Variants in TMEM117 observed in about 807,000 individuals in gnomAD.
TMEM117 encodes the protein transmembrane protein 117.
In TMEM117, 27 loss-of-function variants were observed where a neutral mutation model predicts 52.4. The observed-to-expected ratio is 0.51, with a 90% CI of 0.38 to 0.71. The LOEUF is 0.71. Ranked by LOEUF, TMEM117 falls within the 30% of genes least tolerant of loss-of-function variation. The probability of loss-of-function intolerance (pLI) is 0.00; values close to 1 mark genes in which losing one functional copy is unlikely to be tolerated. For synonymous variants in TMEM117, 215 were observed against 206.3 expected, an observed-to-expected ratio of 1.04 and a Z score of -0.36; for missense variants, 556 against 630.5, an observed-to-expected ratio of 0.88 and a Z score of 1.26.
At chr12:43,987,535 A>G (rs1021618598) in intron 3 of TMEM117, among the ~76,000 whole-genome samples, 14 of 149,872 alleles carry the variant, frequency 9.3e-5, no homozygotes, top group Non-Finnish European at 1.9e-4. Flanking sequence ...TAACCTCTCA[A>G]TGAAGCTTTT....
At chr12:44,227,743 T>C (rs1379962164) in intron 5 of TMEM117, among the ~76,000 whole-genome samples, 1 of 152,162 alleles carries the variant, frequency 6.6e-6, no homozygotes, top group Non-Finnish European at 1.5e-5. Context: ...GCTCCTCCAA[T>C]AGACTCAGCA....
At chr12:44,182,362 A>AT (rs1252063284) in intron 4 of TMEM117, among the ~76,000 whole-genome samples, 1 of 152,110 alleles carries the variant, frequency 6.6e-6, no homozygotes, top group Non-Finnish European at 1.5e-5. Flanking sequence ...CTCCTGCCTA[A>AT]TTGCCCTGGC....
intron 3 of TMEM117, among the ~76,000 whole-genome samples, chr12:43,979,812 T>C (rs1340345949): frequency 6.6e-6 from 1 of 152,170 alleles, no homozygotes; most frequent in Admixed American, 6.5e-5. Context: ...GTAATTTCTC[T>C]CCCTTTAAAG....
upstream of TMEM117, among the ~76,000 whole-genome samples, chr12:43,831,546 ATT>A (rs11449366): frequency 1.6e-4 from 22 of 137,488 alleles, no homozygotes; most frequent in Admixed American, 2.2e-4. Flanking sequence ...GTTACTTCTG[ATT>A]TTTTTTTTTT....
chr12:44,319,919 G>A (rs908036105), intron 6 of TMEM117, among the ~76,000 whole-genome samples: 1 of 151,944 alleles, frequency 6.6e-6, no homozygotes, highest in African/African-American at 2.4e-5. Context: ...ATTCTGCCCT[G>A]TGTTTCCTTA....
chr12:44,072,325 A>G (rs1947314778), intron 3 of TMEM117, among the ~76,000 whole-genome samples: 1 of 152,160 alleles, frequency 6.6e-6, no homozygotes. Flanking sequence ...ACCAGAAGAG[A>G]TTCTCAGAGG....
intron 4 of TMEM117, among the ~76,000 whole-genome samples, chr12:44,156,845 A>G (rs527452185): frequency 6.6e-6 from 1 of 152,058 alleles, no homozygotes; most frequent in Non-Finnish European, 1.5e-5. Context: ...GAGGCAATAT[A>G]AGTGCTCAGT....
intron 3 of TMEM117, among the ~76,000 whole-genome samples, chr12:43,976,771 A>G (rs976884546): frequency 6.6e-6 from 1 of 152,066 alleles, no homozygotes; most frequent in South Asian, 2.1e-4. Context: ...TGATTTTTGC[A>G]TCAGGTTTTG....
chr12:43,836,182 C>G lies in TMEM117; in HGVS notation c.-43C>G, dbSNP rs927665564. The G allele has an allele frequency of 6.6e-6, 1 of 152,156 alleles. No individual in the cohort carries two copies. The highest frequency in any genetic ancestry group is 2.4e-5 in the African/African-American group (1 of 41,432). 9.4% of individuals were successfully genotyped at this position (152,156 alleles called of 1,614,324 possible). A position where few individuals can be genotyped will look rare whatever the true frequency, so the allele number is the denominator to read the frequency against. ...TCCCGTGTGCAGTCGCCCCGCGCCC[C>G]GCGCGACCCTTCGGGTGAGTACGTG... On this transcript the variant is annotated 5_prime_UTR_variant, in exon 1 of 8. Coordinates refer to ENST00000266534, the MANE Select transcript of TMEM117 (RefSeq NM_032256.3).
chr12:44,145,011 G>C (rs1303451979), intron 4 of TMEM117, among the ~76,000 whole-genome samples: 2 of 152,058 alleles, frequency 1.3e-5, no homozygotes, highest in Non-Finnish European at 2.9e-5. Context: ...CAAAAAATTA[G>C]CCAGGCGTGG....
At chr12:43,945,993 T>C (rs1945125570) in intron 3 of TMEM117, among the ~76,000 whole-genome samples, 1 of 152,224 alleles carries the variant, frequency 6.6e-6, no homozygotes. Context: ...TATTTTAGTT[T>C]ATACTAACAA....
chr12:44,136,398 C>T (rs1367258412), intron 3 of TMEM117, among the ~76,000 whole-genome samples: 1 of 152,088 alleles, frequency 6.6e-6, no homozygotes, highest in African/African-American at 2.4e-5. Context: ...AAGAATTAAA[C>T]TATGAAAGAA....
chr12:44,368,611 A>G (rs1042104036), intron 6 of TMEM117, among the ~76,000 whole-genome samples: 3 of 152,190 alleles, frequency 2.0e-5, no homozygotes, highest in Non-Finnish European at 4.4e-5. Flanking sequence ...ATTTTCCTAT[A>G]TAGCCCATAG....
At chr12:44,029,214 T>G (rs761117228) in intron 3 of TMEM117, among the ~76,000 whole-genome samples, 1 of 152,162 alleles carries the variant, frequency 6.6e-6, no homozygotes, top group Non-Finnish European at 1.5e-5. Flanking sequence ...CCTTCTAAGA[T>G]TTAGGGGGTT....
the TMEM117 span, among the ~76,000 whole-genome samples, chr12:43,816,939 T>A: frequency 6.6e-6 from 1 of 152,176 alleles, no homozygotes; most frequent in East Asian, 1.9e-4. Flanking sequence ...TAAATTGAAG[T>A]TATTGGGAAA....
At chr12:43,879,905 T>C (rs1035608786) in intron 2 of TMEM117, among the ~76,000 whole-genome samples, 3 of 152,150 alleles carry the variant, frequency 2.0e-5, no homozygotes, top group African/African-American at 7.2e-5. Context: ...AGATTGAAAG[T>C]GATTCCAGCT....
At position 43,933,489 on chromosome 12, in the gene TMEM117, C is replaced by G. The variant is rs147684215; in HGVS notation, c.278-10721C>G. 4.6e-3 allele frequency among the ~76,000 whole-genome samples: 698 copies of G among 152,220 alleles called. 7 individuals carry two copies. The highest frequency in any genetic ancestry group is 0.016 in the African/African-American group (674 of 41,540). ...GTGCTGGGATTACAGGCGTGAGCCA[C>G]TGTGCCAGCCCAGTAATACTAATTT... is the stretch of plus-strand genomic sequence containing the variant. On this transcript the variant is annotated intron_variant, in intron 2 of 7. Transcript: ENST00000266534.
intron 3 of TMEM117, among the ~76,000 whole-genome samples, chr12:44,017,355 A>G (rs1428421425): frequency 2.3e-5 from 3 of 129,128 alleles, no homozygotes; most frequent in African/African-American, 9.1e-5. Context: ...TGGTGATGAG[A>G]CAGATGGTAT....
At chr12:44,088,569 C>G (rs1947611963) in intron 3 of TMEM117, among the ~76,000 whole-genome samples, 1 of 152,200 alleles carries the variant, frequency 6.6e-6, no homozygotes, top group Non-Finnish European at 1.5e-5. Flanking sequence ...TGAATTAGAA[C>G]TGATGTCTCC....
Sources: gnomAD v4.1 joint callset for allele counts (sites outside exome capture counted in the v4.1 genomes callset) on GRCh38, gnomAD v4.1.1 for gene constraint, MANE v1.5 for transcripts, NCBI Gene and HGNC (gene_info 2026-07-23, HGNC 2026-07-21) for gene names.